Variants in DNER observed in about 807,000 individuals in gnomAD.
DNER encodes delta/notch like EGF repeat containing.
DNER carries 33 observed loss-of-function variants against 78.2 expected under a neutral mutation model. The observed-to-expected ratio is 0.42, with a 90% confidence interval of 0.32 to 0.56. DNER has a LOEUF of 0.56. Ranked by LOEUF, DNER falls within the 20% of genes least tolerant of loss-of-function variation. The pLI is 0.11. For synonymous variants in DNER, 417 were observed against 384.8 expected, an observed-to-expected ratio of 1.08 and a Z score of -0.98; for missense variants, 918 against 975.3, an observed-to-expected ratio of 0.94 and a Z score of 0.78.
intron 5 of DNER, among the ~76,000 whole-genome samples, chr2:229,532,943 G>A (rs10174292): frequency 0.025 from 3,877 of 152,194 alleles, 166 homozygotes; most frequent in African/African-American, 0.088. Context: ...TGGGGGTGTG[G>A]GTGGAAATGG....
intron 12 of DNER, among the ~76,000 whole-genome samples, chr2:229,364,567 T>C (rs1034786127): frequency 1.5e-4 from 23 of 152,036 alleles, no homozygotes; most frequent in African/African-American, 4.8e-5. Context: ...GAGGGTTGAG[T>C]TCTCTGTCCT....
At chr2:229,677,430 G>A (rs1462491281) in intron 1 of DNER, among the ~76,000 whole-genome samples, 1 of 152,120 alleles carries the variant, frequency 6.6e-6, no homozygotes, top group Admixed American at 6.6e-5. Context: ...TGTTTTTAAG[G>A]TTCCAAATCC....
chr2:229,594,739 T>C (rs1311540793), intron 1 of DNER, among the ~76,000 whole-genome samples: 3 of 152,096 alleles, frequency 2.0e-5, no homozygotes, highest in Middle Eastern at 3.2e-3. Flanking sequence ...ATCATGTTAT[T>C]ATCATGCCAA....
chr2:229,564,848 G>C (rs1157310918), intron 4 of DNER, among the ~76,000 whole-genome samples: 2 of 152,148 alleles, frequency 1.3e-5, no homozygotes, highest in African/African-American at 4.8e-5. Context: ...TTAAAACAAA[G>C]GAAATTTATT....
At position 229,591,541 on chromosome 2, in the gene DNER, G is replaced by T; in HGVS notation, c.585+39C>A. The T allele has an allele frequency of 6.4e-7, 1 of 1,566,662 alleles. No individual in the cohort carries two copies. The highest frequency in any genetic ancestry group is 1.2e-5 in the South Asian group (1 of 82,648). ...CGCTGGAGTCACTTTAAGATTTCTGGTTTCTAATGTAAAAATGCACATGAT... is the reference window on the plus strand; with the variant it reads ...CGCTGGAGTCACTTTAAGATTTCTGTTTTCTAATGTAAAAATGCACATGAT... On this transcript the variant is annotated intron_variant, in intron 2 of 12. Transcript: ENST00000341772. This position sits in a 1 kb window ranked among gnomAD's most constrained non-coding sequence, Gnocchi z 4.6.
At chr2:229,605,285 G>C (rs530062022) in intron 1 of DNER, among the ~76,000 whole-genome samples, 1 of 152,214 alleles carries the variant, frequency 6.6e-6, no homozygotes, top group Admixed American at 6.5e-5. Flanking sequence ...GGAAGCAAAG[G>C]GATGAGGGCA....
intron 1 of DNER, among the ~76,000 whole-genome samples, chr2:229,616,811 G>T (rs1169628640): frequency 1.3e-5 from 2 of 152,220 alleles, no homozygotes. Context: ...TAGGCTAAGT[G>T]AGCATTCCTA....
intron 5 of DNER, among the ~76,000 whole-genome samples, chr2:229,523,838 T>C (rs1696149953): frequency 6.6e-6 from 1 of 152,240 alleles, no homozygotes; most frequent in Admixed American, 6.5e-5. Flanking sequence ...GAGGTTAGCA[T>C]TGCATGTGCA....
At chr2:229,390,585 G>A (rs1692992167) in intron 10 of DNER, among the ~76,000 whole-genome samples, 1 of 152,090 alleles carries the variant, frequency 6.6e-6, no homozygotes, top group Admixed American at 6.5e-5. Flanking sequence ...TGGAGATGGT[G>A]GGGAAAAAAA....
At chr2:229,496,751 A>T (rs1289721353) in intron 6 of DNER, among the ~76,000 whole-genome samples, 1 of 152,218 alleles carries the variant, frequency 6.6e-6, no homozygotes, top group African/African-American at 2.4e-5. Context: ...CAATAAGAGG[A>T]TATAACAATT....
intron 5 of DNER, among the ~76,000 whole-genome samples, chr2:229,518,484 C>T (rs1052874020): frequency 1.3e-5 from 2 of 152,176 alleles, no homozygotes; most frequent in African/African-American, 2.4e-5. Flanking sequence ...TAAATTGATA[C>T]GAGGAGACAG....
At chr2:229,616,604 G>A (rs1698167930) in intron 1 of DNER, among the ~76,000 whole-genome samples, 1 of 152,128 alleles carries the variant, frequency 6.6e-6, no homozygotes, top group African/African-American at 2.4e-5. Context: ...ACACTAACTG[G>A]GGAATCAAGA....
chr2:229,591,666 G>C lies in DNER; in HGVS notation c.499C>G (p.Pro167Ala). The change falls in exon 2 of 13, where the codon CCT (proline) becomes GCT (alanine). Residue 167 changes from proline to alanine, a missense_variant. Coordinates refer to ENST00000341772, the MANE Select transcript of DNER (RefSeq NM_139072.4). This position sits in a 1 kb window ranked among gnomAD's most constrained non-coding sequence, Gnocchi z 4.6. ...AGTGTCACCGTTGCCTGAGAGCGAG[G>C]CAGGATTTTGTCAGGCTCCTGAGTA... Reference protein sequence around the residue: ...PATQEPDKILPRSQATVTLPT... With the variant: ...PATQEPDKILARSQATVTLPT... 2 of 1,614,186 alleles carry C rather than the reference G, an allele frequency of 1.2e-6. No individual in the cohort carries two copies. Among genetic ancestry groups the C allele is most frequent in the Non-Finnish European group, 1.7e-6 (2 of 1,180,034 alleles).
At chr2:229,546,753 A>G (rs1192583311) in intron 5 of DNER, among the ~76,000 whole-genome samples, 194 bp downstream of exon 5, 2 of 152,198 alleles carry the variant, frequency 1.3e-5, no homozygotes, top group African/African-American at 4.8e-5. Context: ...AAAAGAATGT[A>G]TATATCAACT....
At chr2:229,584,906 AAAAAAGAAGAAG>A (rs1697471127) in intron 4 of DNER, among the ~76,000 whole-genome samples, 1 of 151,808 alleles carries the variant, frequency 6.6e-6, no homozygotes, top group Admixed American at 6.6e-5. Flanking sequence ...AAAAAAAAAA[AAAAAAGAAGAAG>A]AAAAAGAAAA....
chr2:229,711,227 G>A (rs1400549429), intron 1 of DNER, among the ~76,000 whole-genome samples: 1 of 152,118 alleles, frequency 6.6e-6, no homozygotes, highest in Non-Finnish European at 1.5e-5. Flanking sequence ...GAACCCCTGG[G>A]CTTTCTTATC....
rs1025704918 is a variant in DNER, at chr2:229,497,017, G to A, written c.1147+15766C>T. On this transcript the variant is annotated intron_variant, in intron 6 of 12. Transcript: ENST00000341772. Reference sequence around the variant, plus strand: ...AGCATATACATTCTTCTCAAGCCACGTGGAGCATTCTCCAGAACAAATCAT... The same window carrying A: ...AGCATATACATTCTTCTCAAGCCACATGGAGCATTCTCCAGAACAAATCAT... Among the ~76,000 whole-genome samples the A allele has an allele frequency of 1.4e-4, 22 of 152,122 alleles. 1 individual carries two copies. Among genetic ancestry groups the A allele is most frequent in the Non-Finnish European group, 4.4e-5 (3 of 68,012 alleles).
At chr2:229,561,910 A>G (rs893286552) in intron 4 of DNER, among the ~76,000 whole-genome samples, 21 of 149,724 alleles carry the variant, frequency 1.4e-4, no homozygotes, top group African/African-American at 5.1e-4. Context: ...GTACAGAAAT[A>G]CCGTATTGTA....
intron 1 of DNER, among the ~76,000 whole-genome samples, chr2:229,601,966 C>T (rs1234044950): frequency 6.6e-6 from 1 of 151,874 alleles, no homozygotes; most frequent in Admixed American, 6.6e-5. Flanking sequence ...ATTGCACTTA[C>T]TGACATAGGC....
Sources: gnomAD v4.1 joint callset for allele counts (sites outside exome capture counted in the v4.1 genomes callset) on GRCh38, gnomAD v4.1.1 for gene constraint, Gnocchi (gnomAD v3.1) non-coding constraint, MANE v1.5 for transcripts, NCBI Gene and HGNC (gene_info 2026-07-23, HGNC 2026-07-21) for gene names.